The following AKAP7 variants were observed in gnomAD, a reference collection of about 807,000 sequenced individuals.
The protein encoded by AKAP7 is A-kinase anchoring protein 7, also known as A kinase (PRKA) anchor protein 7.
AKAP7 carries 39 observed loss-of-function variants against 39.5 expected under a neutral mutation model. That is an observed-to-expected ratio of 0.99 (90% CI 0.76 to 1.29). AKAP7 has a LOEUF of 1.29. Among genes scored for constraint, AKAP7 ranks in the 50% most tolerant of loss-of-function variants. The pLI is 0.00. For missense variants in AKAP7, 414 were observed against 407.7 expected, an observed-to-expected ratio of 1.02 and a Z score of -0.13; for synonymous variants, 140 against 139.1, an observed-to-expected ratio of 1.01 and a Z score of -0.05.
intron 7 of AKAP7, among the ~76,000 whole-genome samples, chr6:131,253,732 TCTTTATGTGC>T (rs1320422604): frequency 2.0e-5 from 3 of 152,134 alleles, no homozygotes; most frequent in Non-Finnish European, 4.4e-5. Context: ...ACAATATTTG[TCTTTATGTGC>T]CTGGCTTATT....
intron 5 of AKAP7, among the ~76,000 whole-genome samples, chr6:131,177,460 T>C (rs567746394): frequency 3.4e-4 from 52 of 152,278 alleles, no homozygotes; most frequent in Middle Eastern, 3.4e-3. Flanking sequence ...AATTCACTTT[T>C]ATGAGAGCGT....
At chr6:131,192,345 G>A (rs1806496997) in intron 5 of AKAP7, among the ~76,000 whole-genome samples, 1 of 152,152 alleles carries the variant, frequency 6.6e-6, no homozygotes, top group African/African-American at 2.4e-5. Flanking sequence ...TGAAAAAGCT[G>A]TCTTTTCTGC....
rs976587858 is a variant in AKAP7, at chr6:131,240,311, GC to G, written c.850+20507del. The stretch of plus-strand genomic sequence containing the variant: ...ACCCGGCCGTGTGAGGTGTCAGTCT[GC>G]CCCTACTGGGGGGTGTCTCCCAGTT... On this transcript the variant is annotated intron_variant, in intron 7 of 7. Coordinates refer to ENST00000431975, the MANE Select transcript of AKAP7 (RefSeq NM_016377.4). Among the ~76,000 whole-genome samples the G allele has an allele frequency of 4.5e-4, 68 of 152,330 alleles. 1 individual carries two copies. The highest frequency in any genetic ancestry group is 1.6e-3 in the African/African-American group (67 of 41,568).
intron 7 of AKAP7, among the ~76,000 whole-genome samples, chr6:131,242,625 G>A (rs1036121936): frequency 2.6e-5 from 4 of 151,940 alleles, no homozygotes; most frequent in Non-Finnish European, 5.9e-5. Flanking sequence ...CTAGTAGCTT[G>A]CCTATTCTGA....
At chr6:131,253,812 C>T (rs1215116584) in intron 7 of AKAP7, among the ~76,000 whole-genome samples, 3 of 152,006 alleles carry the variant, frequency 2.0e-5, no homozygotes, top group Non-Finnish European at 4.4e-5. Flanking sequence ...GGATTTTATT[C>T]TTTTTTATGG....
chr6:131,265,004 G>T (rs115458262), intron 7 of AKAP7, among the ~76,000 whole-genome samples: 1 of 152,096 alleles, frequency 6.6e-6, no homozygotes, highest in African/African-American at 2.4e-5. Flanking sequence ...CTCCCACCAG[G>T]CCCCACCTTC....
chr6:131,273,861 T>G (rs1302610457), intron 7 of AKAP7, among the ~76,000 whole-genome samples: 1 of 152,078 alleles, frequency 6.6e-6, no homozygotes, highest in Non-Finnish European at 1.5e-5. Flanking sequence ...ATTTAGCATT[T>G]GTATGTCTGA....
chr6:131,158,831 A>C (rs1000637278), intron 2 of AKAP7, among the ~76,000 whole-genome samples: 12 of 151,760 alleles, frequency 7.9e-5, no homozygotes, highest in Non-Finnish European at 1.6e-4. Context: ...TGAACAGTAA[A>C]CTACTATTCA....
chr6:131,202,088 G>A (rs1190809), intron 6 of AKAP7, among the ~76,000 whole-genome samples: 43,727 of 150,416 alleles, frequency 0.29, 6,957 homozygotes, highest in Non-Finnish European at 0.35. Context: ...TAGAATGGCA[G>A]TCATTAAAAA....
intron 5 of AKAP7, among the ~76,000 whole-genome samples, chr6:131,170,432 T>C (rs1285012907): frequency 6.6e-6 from 1 of 152,222 alleles, no homozygotes; most frequent in East Asian, 1.9e-4. Context: ...GGTAGTAATC[T>C]AACCGTATTG....
At chr6:131,243,982 T>C (rs1811804849) in intron 7 of AKAP7, among the ~76,000 whole-genome samples, 1 of 151,534 alleles carries the variant, frequency 6.6e-6, no homozygotes, top group Admixed American at 6.6e-5. Context: ...GTAGATTAAG[T>C]ATATTCTTTG....
intron 1 of AKAP7, among the ~76,000 whole-genome samples, chr6:131,143,377 T>A (rs1801205315): frequency 6.6e-6 from 1 of 152,132 alleles, no homozygotes; most frequent in African/African-American, 2.4e-5. Context: ...TCATGTGAGA[T>A]CTGGTTGCTT....
At chr6:131,262,747 A>G (rs927732191) in intron 7 of AKAP7, among the ~76,000 whole-genome samples, 8 of 152,230 alleles carry the variant, frequency 5.3e-5, no homozygotes, top group Non-Finnish European at 1.2e-4. Context: ...AATAGTTTTG[A>G]ACATTCTTTA....
At chr6:131,247,300 T>C (rs1487233499) in intron 7 of AKAP7, among the ~76,000 whole-genome samples, 5 of 125,944 alleles carry the variant, frequency 4.0e-5, no homozygotes, top group Admixed American at 7.7e-5. Flanking sequence ...TATATATATA[T>C]ATATATATAT....
At chr6:131,187,212 T>G (rs1464507386) in intron 5 of AKAP7, among the ~76,000 whole-genome samples, 1 of 152,164 alleles carries the variant, frequency 6.6e-6, no homozygotes, top group Non-Finnish European at 1.5e-5. Context: ...CTTTGAGCAG[T>G]ATTGGCATTT....
In AKAP7 at chr6:131,268,032, G is replaced by T. The variant is rs117052706; in HGVS notation, c.851-13498G>T. Among the ~76,000 whole-genome samples the T allele has an allele frequency of 1.3e-3, 194 of 152,224 alleles. 6 individuals are homozygous for T. The East Asian group carries it at 0.035, about 27-fold the overall frequency. On this transcript the variant is annotated intron_variant, in intron 7 of 7. Coordinates refer to ENST00000431975, the MANE Select transcript of AKAP7 (RefSeq NM_016377.4). ...GGAAGGGAAGAAGGGAGAAAGGGAGGGAGGACTTGTATTGCATTAGAAGGA... is the reference window on the plus strand; with the variant it reads ...GGAAGGGAAGAAGGGAGAAAGGGAGTGAGGACTTGTATTGCATTAGAAGGA...
Position 131,219,689 on chromosome 6 carries a change from A to T in AKAP7, c.731A>T (p.Tyr244Phe). ...GTGAAAAAAATAGATCCTGATTTAT[A>T]TGAAAAGTTTATCAGTCACAGATTT... ...NGVKKIDPDL[Y>F]EKFISHRFGE... is the part of the protein sequence containing the mutation. The change falls in exon 7 of 8, where the codon TAT becomes TTT. Residue 244 changes from tyrosine to phenylalanine, a missense_variant. Coordinates refer to ENST00000431975, the MANE Select transcript of AKAP7 (RefSeq NM_016377.4). The T allele has an allele frequency of 1.3e-6, 2 of 1,596,690 alleles. No individual in the cohort carries two copies. Among genetic ancestry groups the T allele is most frequent in the Non-Finnish European group, 8.5e-7 (1 of 1,172,396 alleles).
At chr6:131,266,424 T>A (rs941858792) in intron 7 of AKAP7, among the ~76,000 whole-genome samples, 1 of 152,222 alleles carries the variant, frequency 6.6e-6, no homozygotes, top group African/African-American at 2.4e-5. Flanking sequence ...ATGTCATCAG[T>A]GTACTATTAC....
chr6:131,247,453 G>C (rs9492881), intron 7 of AKAP7, among the ~76,000 whole-genome samples: 1,847 of 149,932 alleles, frequency 0.012, 33 homozygotes, highest in African/African-American at 0.041. Context: ...AGCCTCCCGA[G>C]TAGCTGGGAC....
Sources: gnomAD v4.1 joint callset for allele counts (sites outside exome capture counted in the v4.1 genomes callset) on GRCh38, gnomAD v4.1.1 for gene constraint, MANE v1.5 for transcripts, NCBI Gene and HGNC (gene_info 2026-07-23, HGNC 2026-07-21) for gene names.